TBC1D8: variants seen among roughly 807,000 people sequenced by gnomAD.
The protein encoded by TBC1D8 is TBC1 domain family member 8.
Under a neutral mutation model 118.8 loss-of-function variants are expected in TBC1D8, and 65 were observed. That is an observed-to-expected ratio of 0.55 (90% confidence interval 0.45 to 0.67). The LOEUF (loss-of-function observed/expected upper bound fraction) is 0.67. Among genes scored for constraint, TBC1D8 ranks in the 30% least tolerant of loss-of-function variants. The pLI is 0.00. For missense variants in TBC1D8, 1,376 were observed against 1,471.2 expected, an observed-to-expected ratio of 0.94 and a Z score of 1.06; for synonymous variants, 566 against 595.8, an observed-to-expected ratio of 0.95 and a Z score of 0.73.
intron 1 of TBC1D8, among the ~76,000 whole-genome samples, chr2:101,105,705 C>A (rs1232365579): frequency 6.7e-6 from 1 of 149,974 alleles, no homozygotes; most frequent in Non-Finnish European, 1.5e-5. Flanking sequence ...GGCTAAAATC[C>A]AAAAAACTGA....
intron 1 of TBC1D8, among the ~76,000 whole-genome samples, chr2:101,121,403 G>A (rs919889544): frequency 2.0e-5 from 3 of 152,148 alleles, no homozygotes; most frequent in South Asian, 2.1e-4. Flanking sequence ...TCCTATCCCC[G>A]GGGCTCAGGG....
At chr2:101,090,482 C>G in intron 1 of TBC1D8, 118 bp from the exon 2 acceptor site, 1 of 1,092,128 alleles carries the variant, frequency 9.2e-7, no homozygotes, top group Non-Finnish European at 1.3e-6. Flanking sequence ...GACAGTTTTA[C>G]ATCCAGTTCT....
At chr2:101,108,249 A>AC (rs1268079941) in intron 1 of TBC1D8, among the ~76,000 whole-genome samples, 1 of 152,110 alleles carries the variant, frequency 6.6e-6, no homozygotes. Flanking sequence ...AAAATACAGG[A>AC]CCAGCATTTT....
At position 101,028,334 on chromosome 2, in the gene TBC1D8, T is replaced by A. The variant is rs754149783; in HGVS notation, c.2321A>T (p.Asp774Val). The change falls in exon 13 of 20, where the codon GAT (aspartate) becomes GTT (valine). Residue 774 changes from aspartate (D) to valine (V), a missense_variant. By Grantham distance (152) the Asp-to-Val change is radical (BLOSUM62 -3). Transcript: ENST00000409318. ...GGAATCCCGGATCAGGTCCGAAATA[T>A]CAGTCACAGGGTAGGGCTCCTGGTC... ...SDDQEPYPVT[D>V]ISDLIRDSYE... is the part of the protein sequence containing the mutation. 5 of 1,612,806 alleles carry A rather than the reference T, an allele frequency of 3.1e-6. No individual in the cohort carries two copies. In the Admixed American group the frequency reaches 6.7e-5, roughly 22 times the overall value.
intron 1 of TBC1D8, among the ~76,000 whole-genome samples, chr2:101,144,439 G>T (rs1679240646): frequency 6.6e-6 from 1 of 152,160 alleles, no homozygotes; most frequent in Non-Finnish European, 1.5e-5. Context: ...GGAGAGAAAA[G>T]TGCCAACATG....
intron 1 of TBC1D8, among the ~76,000 whole-genome samples, chr2:101,132,075 A>T (rs1274554176): frequency 6.6e-6 from 1 of 152,226 alleles, no homozygotes; most frequent in Non-Finnish European, 1.5e-5. Flanking sequence ...AATAAAGTCA[A>T]ACTTAAAGGA....
intron 1 of TBC1D8, among the ~76,000 whole-genome samples, chr2:101,130,430 C>T (rs1354851737): frequency 6.6e-6 from 1 of 152,186 alleles, no homozygotes; most frequent in Admixed American, 6.5e-5. Context: ...AGAAAGACTT[C>T]CAGGGGCAGA....
At chr2:101,022,587 CAAAT>C (rs1680104602) in intron 15 of TBC1D8, 66 bp from the exon 16 acceptor site, 2 of 1,534,010 alleles carry the variant, frequency 1.3e-6, no homozygotes, top group African/African-American at 2.8e-5. Context: ...TTAACACAAA[CAAAT>C]ACAATAATAA....
At chr2:101,109,899 T>A in intron 1 of TBC1D8, 1 of 985,502 alleles carries the variant, frequency 1.0e-6, no homozygotes. Context: ...AACTCTTTGC[T>A]GCATCTCCAG....
At chr2:101,123,837 A>G (rs1488837242) in intron 1 of TBC1D8, among the ~76,000 whole-genome samples, 1 of 152,238 alleles carries the variant, frequency 6.6e-6, no homozygotes, top group Non-Finnish European at 1.5e-5. Flanking sequence ...GGGAGCTTCC[A>G]TGGCCTCTCC....
chr2:101,055,517 T>C (rs1682370083), intron 3 of TBC1D8, among the ~76,000 whole-genome samples: 1 of 152,184 alleles, frequency 6.6e-6, no homozygotes, highest in African/African-American at 2.4e-5. Context: ...TTGGCCAAGG[T>C]TCCCAAGGTC....
chr2:101,091,035 C>A (rs188036210), intron 1 of TBC1D8, among the ~76,000 whole-genome samples: 1 of 152,280 alleles, frequency 6.6e-6, no homozygotes, highest in African/African-American at 2.4e-5. Context: ...GTAATCCCAG[C>A]ACTTTGGGAG....
chr2:101,124,524 C>G (rs1278506763), intron 1 of TBC1D8, among the ~76,000 whole-genome samples: 1 of 152,138 alleles, frequency 6.6e-6, no homozygotes, highest in East Asian at 1.9e-4. Context: ...GCTGTTAATA[C>G]AGTACACTCC....
intron 2 of TBC1D8, among the ~76,000 whole-genome samples, chr2:101,077,482 C>T (rs1056505209): frequency 2.6e-5 from 4 of 152,182 alleles, no homozygotes; most frequent in Admixed American, 1.3e-4. Context: ...CTCCTCACCT[C>T]GTGATCCACC....
At chr2:101,018,085 G>A (rs556758100) in intron 17 of TBC1D8, 5 of 687,372 alleles carry the variant, frequency 7.3e-6, no homozygotes, top group African/African-American at 7.2e-5. Context: ...AATGGGACTA[G>A]ATTTTGAATC....
At chr2:101,037,969 C>T (rs953378371) in intron 7 of TBC1D8, among the ~76,000 whole-genome samples, 1 of 152,186 alleles carries the variant, frequency 6.6e-6, no homozygotes, top group South Asian at 2.1e-4. Flanking sequence ...TGGGCAGCCC[C>T]AGCCTCCCCT....
At position 101,135,028 on chromosome 2, in the gene TBC1D8, C is replaced by A. The variant is rs375591917; in HGVS notation, c.127+16099G>T. ...CTCTACTAAAAATACAATAATTAGC[C>A]GGGTGTGGTGGCGGGCGCCTGCAGT... On this transcript the variant is annotated intron_variant, in intron 1 of 19. Transcript: ENST00000409318. Among the ~76,000 whole-genome samples, 250 of 152,112 alleles carry A rather than the reference C, an allele frequency of 1.6e-3. 1 individual carries two copies. Among genetic ancestry groups the A allele is most frequent in the African/African-American group, 5.4e-3 (224 of 41,490 alleles).
chr2:101,067,140 G>GT (rs1683061370), intron 2 of TBC1D8, among the ~76,000 whole-genome samples: 1 of 152,120 alleles, frequency 6.6e-6, no homozygotes, highest in East Asian at 1.9e-4. Context: ...GGCTGGCAGA[G>GT]TGTTTACGAC....
intron 4 of TBC1D8, among the ~76,000 whole-genome samples, chr2:101,052,124 G>A (rs1057510573): frequency 6.6e-6 from 1 of 152,184 alleles, no homozygotes; most frequent in African/African-American, 2.4e-5. Context: ...CATTCACGGT[G>A]TAAGCTATGG....
Sources: gnomAD v4.1 joint callset for allele counts (sites outside exome capture counted in the v4.1 genomes callset) on GRCh38, gnomAD v4.1.1 for gene constraint, MANE v1.5 for transcripts, NCBI Gene and HGNC (gene_info 2026-07-23, HGNC 2026-07-21) for gene names.